ZFPM2: variants seen among roughly 807,000 people sequenced by gnomAD.
The protein encoded by ZFPM2 is zinc finger protein, FOG family member 2.
In ZFPM2, 20 loss-of-function variants were observed where a neutral mutation model predicts 98.6. That is an observed-to-expected ratio of 0.20 (90% confidence interval 0.14 to 0.29). The LOEUF (loss-of-function observed/expected upper bound fraction) is 0.29. Among genes scored for constraint, ZFPM2 ranks in the 10% least tolerant of loss-of-function variants. The pLI is 1.00. For synonymous variants in ZFPM2, 518 were observed against 502.7 expected (o/e 1.03, Z -0.41); for missense variants, 1,310 against 1,388.6 (o/e 0.94, Z 0.90).
intron 2 of ZFPM2, among the ~76,000 whole-genome samples, chr8:105,441,080 G>A (rs561297090): frequency 3.9e-5 from 6 of 151,964 alleles, no homozygotes; most frequent in African/African-American, 1.2e-4. Flanking sequence ...ACTTGAACCC[G>A]GGAGGCAGAG....
chr8:105,506,682 C>T (rs1813704607), intron 3 of ZFPM2, among the ~76,000 whole-genome samples: 1 of 151,976 alleles, frequency 6.6e-6, no homozygotes, highest in Non-Finnish European at 1.5e-5. Context: ...CGTATCTAAA[C>T]TCGAAAAGAA....
At chr8:105,693,980 C>CTTTTTTT (rs376834507) in intron 5 of ZFPM2, among the ~76,000 whole-genome samples, 66 of 118,386 alleles carry the variant, frequency 5.6e-4, no homozygotes, top group African/African-American at 8.7e-4. Context: ...TTTTTCTTTT[C>CTTTTTTT]TTTTTTTTTT....
chr8:105,364,798 A>G (rs1049114403), intron 1 of ZFPM2, among the ~76,000 whole-genome samples: 1 of 152,134 alleles, frequency 6.6e-6, no homozygotes, highest in Non-Finnish European at 1.5e-5. Flanking sequence ...TTAGACAGCA[A>G]CCAGCTCGAA....
chr8:105,547,568 A>AAAAAAAT (rs1554616003), intron 3 of ZFPM2, among the ~76,000 whole-genome samples: 1 of 144,082 alleles, frequency 6.9e-6, no homozygotes. Flanking sequence ...AAAAAAAAAA[A>AAAAAAAT]AGAAATCAGA....
At chr8:105,423,286 A>G (rs1563651800) in intron 2 of ZFPM2, among the ~76,000 whole-genome samples, 1 of 152,128 alleles carries the variant, frequency 6.6e-6, no homozygotes, top group African/African-American at 2.4e-5. Flanking sequence ...GAACCTGGCA[A>G]TTCTATTGGC....
At position 105,707,141 on chromosome 8, in the gene ZFPM2, G is replaced by A. The variant is rs539928810; in HGVS notation, c.532+72784G>A. On this transcript the variant is annotated intron_variant, in intron 5 of 7. Coordinates refer to ENST00000407775, the MANE Select transcript of ZFPM2 (RefSeq NM_012082.4). ...ACCTGTTGTCCAACCTACTTGGGAG[G>A]CTGAAGCAGAAGGATCACTTGAGCC... is the stretch of plus-strand genomic sequence containing the variant. Among the ~76,000 whole-genome samples, 3 of 151,172 alleles carry A rather than the reference G, an allele frequency of 2.0e-5. No homozygotes were observed. The South Asian group carries it at 6.2e-4, about 31-fold the overall frequency.
intron 5 of ZFPM2, chr8:105,685,700 A>G (rs1294243334): frequency 6.6e-6 from 1 of 152,098 alleles, no homozygotes; most frequent in Non-Finnish European, 1.5e-5. Flanking sequence ...TTCACTTTTG[A>G]GAAGTTGATA....
intron 5 of ZFPM2, among the ~76,000 whole-genome samples, chr8:105,673,185 T>TG (rs1817626768): frequency 8.0e-6 from 1 of 125,684 alleles, no homozygotes; most frequent in African/African-American, 2.9e-5. Flanking sequence ...TCAAATAGCA[T>TG]GCTTTTTTTT....
At position 105,459,063 on chromosome 8, in the gene ZFPM2, T is replaced by A. The variant is rs567192112; in HGVS notation, c.301+14682T>A. ...ATTTTCTTATTATTAAAGAAGTCACTTGAATGGCCCTTCTTTTTTTCTTTC... is the reference window on the plus strand; with the variant it reads ...ATTTTCTTATTATTAAAGAAGTCACATGAATGGCCCTTCTTTTTTTCTTTC... On this transcript the variant is annotated intron_variant, in intron 3 of 7. Transcript: ENST00000407775. 7.2e-5 allele frequency among the ~76,000 whole-genome samples: 11 copies of A among 152,284 alleles called. No homozygotes were observed. The East Asian group carries it at 1.9e-3, about 27-fold the overall frequency.
rs574390869 is a variant in ZFPM2, at chr8:105,332,500, G to A, written c.40+13519G>A. On this transcript the variant is annotated intron_variant, in intron 1 of 7. Transcript: ENST00000407775. ...CAAGAAAAGATTGTTACCTATATGT[G>A]TTAAATTTAACTTACATGAAAACTT... is the stretch of plus-strand genomic sequence containing the variant. 1.4e-3 allele frequency among the ~76,000 whole-genome samples: 209 copies of A among 151,782 alleles called. 5 individuals carry two copies. In the South Asian group the frequency reaches 0.042, roughly 30 times the overall value.
chr8:105,647,646 C>T (rs1183597544), intron 5 of ZFPM2, among the ~76,000 whole-genome samples: 7 of 151,242 alleles, frequency 4.6e-5, no homozygotes, highest in African/African-American at 1.2e-4. Flanking sequence ...TTTGTCTTTG[C>T]GATAGTTTGC....
chr8:105,664,986 A>G (rs1189831539), intron 5 of ZFPM2, among the ~76,000 whole-genome samples: 7 of 152,324 alleles, frequency 4.6e-5, no homozygotes, highest in Middle Eastern at 3.4e-3. Context: ...TTCTCTTTCT[A>G]TAGCAGAACT....
chr8:105,442,387 T>C (rs543981639), intron 2 of ZFPM2, among the ~76,000 whole-genome samples: 1 of 152,156 alleles, frequency 6.6e-6, no homozygotes, highest in South Asian at 2.1e-4. Flanking sequence ...AAAAAAAACT[T>C]GGACCTTACC....
chr8:105,728,799 G>T (rs1427166129), intron 5 of ZFPM2, among the ~76,000 whole-genome samples: 8 of 151,764 alleles, frequency 5.3e-5, no homozygotes, highest in Admixed American at 2.6e-4. Flanking sequence ...ATTAAATAGA[G>T]ATTTATCTTT....
chr8:105,578,252 A>G (rs1035777942), intron 4 of ZFPM2, among the ~76,000 whole-genome samples: 10 of 152,040 alleles, frequency 6.6e-5, no homozygotes, highest in Admixed American at 3.9e-4. Context: ...TTCATTTTGC[A>G]TCTTCTTGAT....
At chr8:105,594,439 A>C (rs1195747009) in intron 4 of ZFPM2, among the ~76,000 whole-genome samples, 2 of 152,160 alleles carry the variant, frequency 1.3e-5, no homozygotes, top group African/African-American at 4.8e-5. Context: ...AGTATTTACT[A>C]CTTTAACTCA....
intron 3 of ZFPM2, among the ~76,000 whole-genome samples, chr8:105,462,837 T>A (rs979659210): frequency 7.9e-5 from 12 of 152,146 alleles, no homozygotes; most frequent in African/African-American, 2.7e-4. Flanking sequence ...CGAATCCGTT[T>A]GTATCTATGT....
intron 4 of ZFPM2, among the ~76,000 whole-genome samples, chr8:105,586,845 A>ATTTTATATATATATATT (rs1554619525): frequency 7.4e-6 from 1 of 134,682 alleles, no homozygotes; most frequent in Non-Finnish European, 1.7e-5. Context: ...ATATATAAAT[A>ATTTTATATATATATATT]TTTTATATAT....
intron 5 of ZFPM2, among the ~76,000 whole-genome samples, chr8:105,735,062 A>G (rs1412866298): frequency 1.3e-5 from 2 of 148,632 alleles, no homozygotes; most frequent in Admixed American, 6.8e-5. Context: ...GGCAAAAACC[A>G]CAATTCCCTT....
Sources: gnomAD v4.1 joint callset for allele counts (sites outside exome capture counted in the v4.1 genomes callset) on GRCh38, gnomAD v4.1.1 for gene constraint, MANE v1.5 for transcripts, NCBI Gene and HGNC (gene_info 2026-07-23, HGNC 2026-07-21) for gene names.